Variants in LSM14A observed in about 807,000 individuals in gnomAD.
The protein encoded by LSM14A is protein LSM14 homolog A.
Under a neutral mutation model 52.4 loss-of-function variants are expected in LSM14A, and 14 were observed. That is an observed-to-expected ratio of 0.27 (90% CI 0.18 to 0.42). The LOEUF (loss-of-function observed/expected upper bound fraction) is 0.42, where lower values mean the gene tolerates loss of function less well. Among genes scored for constraint, LSM14A ranks in the 10% least tolerant of loss-of-function variants. The pLI is 1.00. For missense variants in LSM14A, 417 were observed against 581.8 expected, an observed-to-expected ratio of 0.72 and a Z score of 2.91; for synonymous variants, 185 against 200.3, an observed-to-expected ratio of 0.92 and a Z score of 0.64.
intron 1 of LSM14A, among the ~76,000 whole-genome samples, chr19:34,189,119 T>G (rs567263707): frequency 4.7e-4 from 71 of 152,340 alleles, no homozygotes; most frequent in African/African-American, 1.4e-3. Context: ...TTAAATATTC[T>G]AAGCCTGCTG....
intron 1 of LSM14A, among the ~76,000 whole-genome samples, 164 bp downstream of exon 1, chr19:34,172,927 C>A (rs1225316916): frequency 6.6e-6 from 1 of 152,160 alleles, no homozygotes; most frequent in African/African-American, 2.4e-5. Context: ...CGGACCGCGG[C>A]CTCCCCGCGG....
intron 3 of LSM14A, among the ~76,000 whole-genome samples, chr19:34,205,042 G>T (rs111595840): frequency 0.025 from 3,744 of 152,282 alleles, 155 homozygotes; most frequent in African/African-American, 0.087. Flanking sequence ...GGAGGCAGGA[G>T]AATCACTTGA....
At chr19:34,186,291 T>G (rs775379300) in intron 1 of LSM14A, among the ~76,000 whole-genome samples, 13 of 152,266 alleles carry the variant, frequency 8.5e-5, no homozygotes, top group Non-Finnish European at 1.3e-4. Context: ...TGTGCCAACT[T>G]GACTGGGCCA....
chr19:34,226,539 T>G (rs2073358483), intron 9 of LSM14A: 1 of 1,252,956 alleles, frequency 8.0e-7, no homozygotes, highest in African/African-American at 1.6e-5. Flanking sequence ...TGTAGCTCAT[T>G]GCTGTCAACT....
At chr19:34,176,595 G>T (rs1423645959) in intron 1 of LSM14A, among the ~76,000 whole-genome samples, 1 of 152,096 alleles carries the variant, frequency 6.6e-6, no homozygotes, top group African/African-American at 2.4e-5. Flanking sequence ...GGATTGTGTT[G>T]TATATATTTT....
intron 9 of LSM14A, among the ~76,000 whole-genome samples, chr19:34,226,946 G>A (rs1019623935): frequency 6.6e-6 from 1 of 152,166 alleles, no homozygotes; most frequent in African/African-American, 2.4e-5. Context: ...TACTGACTGG[G>A]TATTTTATTG....
intron 6 of LSM14A, among the ~76,000 whole-genome samples, chr19:34,218,332 A>G (rs561374898): frequency 3.2e-4 from 48 of 152,112 alleles, no homozygotes; most frequent in African/African-American, 1.2e-3. Context: ...AGACAGAAGG[A>G]TCATGGTGTA....
At chr19:34,201,733 T>C (rs2071306248) in intron 3 of LSM14A, among the ~76,000 whole-genome samples, 1 of 152,250 alleles carries the variant, frequency 6.6e-6, no homozygotes, top group South Asian at 2.1e-4. Flanking sequence ...AAAAGGAAAT[T>C]TAAATGAATC....
chr19:34,206,255 C>T (rs1432911441), intron 3 of LSM14A, among the ~76,000 whole-genome samples: 1 of 152,172 alleles, frequency 6.6e-6, no homozygotes, highest in East Asian at 1.9e-4. Context: ...CCTGTAGTCC[C>T]AGTAACTCAG....
chr19:34,221,513 G>T lies in LSM14A; in HGVS notation c.1143G>T (p.Arg381=), dbSNP rs2073060673. The T allele has an allele frequency of 6.2e-7, 1 of 1,613,186 alleles. No individual in the cohort carries two copies. Among genetic ancestry groups the T allele is most frequent in the African/African-American group, 1.3e-5 (1 of 74,890 alleles). Residue 381 remains arginine (R), a synonymous_variant, in exon 9 of 10, where the codon CGG becomes CGT. Coordinates refer to ENST00000544216, the MANE Select transcript of LSM14A (RefSeq NM_015578.4). The stretch of plus-strand genomic sequence containing the variant: ...TTATTTGCTTTTATAATAGAGAACG[G>T]AGACCAACCTGGGCTGAAGAAAGAA... ...DNISCDDNRE[R]RPTWAEERRL... is the part of the protein sequence containing the mutation.
At chr19:34,185,300 T>C (rs1261229393) in intron 1 of LSM14A, among the ~76,000 whole-genome samples, 1 of 152,186 alleles carries the variant, frequency 6.6e-6, no homozygotes, top group African/African-American at 2.4e-5. Flanking sequence ...ATCGAGAATA[T>C]TGCAGACACA....
intron 1 of LSM14A, among the ~76,000 whole-genome samples, chr19:34,183,249 C>A (rs3119810): frequency 6.6e-6 from 1 of 151,902 alleles, no homozygotes; most frequent in Non-Finnish European, 1.5e-5. Flanking sequence ...GTGAGAGGGA[C>A]TTTTAAAAAA....
intron 1 of LSM14A, among the ~76,000 whole-genome samples, chr19:34,192,319 G>GTTTTTTTTTTGTTTTTT (rs2070457878): frequency 7.5e-5 from 4 of 53,410 alleles, no homozygotes; most frequent in Non-Finnish European, 1.3e-4. Context: ...TCTTTTTGTT[G>GTTTTTTTTTTGTTTTTT]TTTTTTTTTT....
intron 1 of LSM14A, among the ~76,000 whole-genome samples, chr19:34,187,956 C>G (rs12151260): frequency 6.6e-6 from 1 of 151,764 alleles, no homozygotes; most frequent in African/African-American, 2.4e-5. Flanking sequence ...TTATTTCAAG[C>G]TAGAAATATA....
chr19:34,216,185 G>A (rs866067882), intron 6 of LSM14A, among the ~76,000 whole-genome samples: 32 of 152,192 alleles, frequency 2.1e-4, no homozygotes, highest in South Asian at 6.2e-4. Flanking sequence ...AGGCCGGGGC[G>A]GGCGGATCAC....
intron 9 of LSM14A, among the ~76,000 whole-genome samples, chr19:34,226,073 GAAAA>G (rs958303476): frequency 3.3e-5 from 5 of 151,166 alleles, no homozygotes; most frequent in African/African-American, 1.2e-4. Context: ...AAAAAAAAAA[GAAAA>G]GAAAGAAATA....
At chr19:34,180,238 G>C (rs146548096) in intron 1 of LSM14A, among the ~76,000 whole-genome samples, 209 of 152,274 alleles carry the variant, frequency 1.4e-3, no homozygotes, top group Non-Finnish European at 1.7e-3. Context: ...TTTTTTAGTG[G>C]ACAAAGTGTG....
intron 1 of LSM14A, among the ~76,000 whole-genome samples, chr19:34,180,627 A>G (rs1374311549): frequency 6.6e-6 from 1 of 152,144 alleles, no homozygotes; most frequent in African/African-American, 2.4e-5. Context: ...ACTGTAGTCT[A>G]CTGTCATCTT....
intron 9 of LSM14A, among the ~76,000 whole-genome samples, chr19:34,222,688 A>G (rs769506131): frequency 7.2e-5 from 11 of 152,172 alleles, no homozygotes; most frequent in Non-Finnish European, 1.3e-4. Flanking sequence ...GACCTGCTCT[A>G]TTAATTTTAA....
Sources: allele counts gnomAD v4.1 joint callset (sites outside exome capture counted in the v4.1 genomes callset), GRCh38; gene constraint gnomAD v4.1.1; transcripts MANE v1.5; gene names NCBI Gene and HGNC (gene_info 2026-07-23, HGNC 2026-07-21).